Variants in AK8 observed in about 807,000 individuals in gnomAD.
AK8 encodes adenylate kinase 8, also known as ATP-AMP transphosphorylase 8.
A neutral mutation model predicts 54.6 loss-of-function variants in AK8; 44 were observed. That is an observed-to-expected ratio of 0.81 (90% CI 0.63 to 1.04). AK8 has a LOEUF of 1.04. AK8 is among the 50% of genes least tolerant of loss of function. The probability of loss-of-function intolerance (pLI) is 0.00; values close to 1 mark genes in which losing one functional copy is unlikely to be tolerated. For synonymous variants in AK8, 239 were observed against 245.6 expected (o/e 0.97, Z 0.25); for missense variants, 555 against 613.6 (o/e 0.90, Z 1.01).
chr9:132,855,992 G>C (rs894317458), intron 4 of AK8, among the ~76,000 whole-genome samples: 2 of 152,118 alleles, frequency 1.3e-5, no homozygotes, highest in Admixed American at 6.5e-5. Context: ...CCTTTTCATA[G>C]AGGAGGAAGC....
chr9:132,814,761 A>T (rs368549643), intron 9 of AK8, 34 bp from the exon 10 acceptor site: 1 of 1,585,440 alleles, frequency 6.3e-7, no homozygotes, highest in Non-Finnish European at 8.6e-7. Flanking sequence ...ACACCCATTA[A>T]ATTTTAAATA....
intron 5 of AK8, among the ~76,000 whole-genome samples, chr9:132,835,881 T>A (rs1842304122): frequency 6.6e-6 from 1 of 152,116 alleles, no homozygotes. Context: ...CCCAGCACTT[T>A]GGGAGGCCGA....
chr9:132,874,978 G>T, intron 2 of AK8, 137 bp downstream of exon 2: 1 of 1,106,052 alleles, frequency 9.0e-7, no homozygotes, highest in Non-Finnish European at 1.3e-6. Flanking sequence ...AGGACAGAAT[G>T]GTGCTCAGCT....
At chr9:132,823,748 G>A (rs962967831) in intron 8 of AK8, among the ~76,000 whole-genome samples, 6 of 152,216 alleles carry the variant, frequency 3.9e-5, no homozygotes, top group Non-Finnish European at 7.3e-5. Flanking sequence ...CGGAAGCCCC[G>A]GAACTAGGCT....
At chr9:132,843,893 A>G (rs1842636489) in intron 5 of AK8, among the ~76,000 whole-genome samples, 2 of 152,166 alleles carry the variant, frequency 1.3e-5, no homozygotes, top group Admixed American at 6.6e-5. Context: ...TTAAAAAGCC[A>G]TCCTTCCAGC....
chr9:132,839,329 C>A (rs937427344), intron 5 of AK8, among the ~76,000 whole-genome samples: 1 of 152,144 alleles, frequency 6.6e-6, no homozygotes, highest in Non-Finnish European at 1.5e-5. Context: ...TCCTTCTTTC[C>A]TGTCTTTAAT....
At chr9:132,775,157 C>G (rs773863905) in intron 11 of AK8, among the ~76,000 whole-genome samples, 29 of 152,146 alleles carry the variant, frequency 1.9e-4, no homozygotes, top group Non-Finnish European at 3.8e-4. Flanking sequence ...TCCCTGACCT[C>G]CAAGAGTCAG....
upstream of AK8, chr9:132,878,355 G>C: frequency 7.2e-6 from 9 of 1,258,352 alleles, no homozygotes; most frequent in Non-Finnish European, 9.0e-6. This position sits in a 1 kb window ranked among gnomAD's most constrained non-coding sequence, Gnocchi z 4.7. Flanking sequence ...TGCAGGCTCC[G>C]CGCCGGGCCC....
intron 10 of AK8, among the ~76,000 whole-genome samples, chr9:132,795,447 G>C (rs187983534): frequency 8.1e-4 from 123 of 152,326 alleles, no homozygotes; most frequent in African/African-American, 2.8e-3. Context: ...CTCTGATCCA[G>C]AGACCTTGTG....
Position 132,828,062 on chromosome 9 carries a change from C to T in AK8, c.507G>A (p.Thr169=), listed in dbSNP as rs772965072. The T allele has an allele frequency of 5.7e-6, 9 of 1,573,768 alleles. No individual in the cohort carries two copies. The highest frequency in any genetic ancestry group is 2.3e-5 in the South Asian group (2 of 85,666). The part of the protein sequence containing the change: ...RHVIVLSAPD[T]VLIERNLGKR... ...TCCCCAAGTTTCTCTCGATCAGGAC[C>T]GTGTCTGGAGCACTCAGCACAACTG... The change falls in exon 7 of 13, where the codon ACG becomes ACA. Residue 169 remains threonine, a synonymous_variant. Coordinates refer to ENST00000298545, the MANE Select transcript of AK8 (RefSeq NM_152572.3).
At chr9:132,864,571 C>T (rs1292237293) in intron 3 of AK8, among the ~76,000 whole-genome samples, 1 of 152,194 alleles carries the variant, frequency 6.6e-6, no homozygotes, top group East Asian at 1.9e-4. Context: ...GGTGAGAAAC[C>T]TCAATGACAG....
At chr9:132,850,897 T>TAAA (rs34133877) in intron 5 of AK8, among the ~76,000 whole-genome samples, 3 of 135,328 alleles carry the variant, frequency 2.2e-5, no homozygotes. Flanking sequence ...TAGGTGCATT[T>TAAA]AAAAAAAAAA....
At chr9:132,731,385 G>T (rs923016701) in intron 11 of AK8, among the ~76,000 whole-genome samples, 4 of 152,144 alleles carry the variant, frequency 2.6e-5, no homozygotes, top group African/African-American at 9.7e-5. Context: ...TTTTGGGCGT[G>T]TCTGTGCAGG....
chr9:132,820,734 G>A (rs1345778438), intron 9 of AK8, among the ~76,000 whole-genome samples: 2 of 152,140 alleles, frequency 1.3e-5, no homozygotes, highest in African/African-American at 2.4e-5. Flanking sequence ...GGGGCTGTCT[G>A]TTTTTTTGTT....
intron 2 of AK8, among the ~76,000 whole-genome samples, chr9:132,872,711 G>T (rs539022611): frequency 6.6e-6 from 1 of 151,900 alleles, no homozygotes; most frequent in Non-Finnish European, 1.5e-5. Flanking sequence ...TCAGCTCACT[G>T]CAACCTCCAC....
At chr9:132,759,235 CAGGT>C (rs1838341390) in intron 11 of AK8, among the ~76,000 whole-genome samples, 1 of 150,818 alleles carries the variant, frequency 6.6e-6, no homozygotes, top group African/African-American at 2.4e-5. Context: ...TACAATTCCA[CAGGT>C]TTTAGCACAC....
At chr9:132,806,692 G>A (rs1308647831) in intron 10 of AK8, among the ~76,000 whole-genome samples, 1 of 152,238 alleles carries the variant, frequency 6.6e-6, no homozygotes, top group African/African-American at 2.4e-5. Flanking sequence ...TGCATTTAGT[G>A]ATGAGAATAT....
intron 4 of AK8, among the ~76,000 whole-genome samples, chr9:132,858,054 C>T (rs1024347286): frequency 2.0e-5 from 3 of 152,188 alleles, no homozygotes; most frequent in Non-Finnish European, 2.9e-5. Context: ...GCAGTGAGGC[C>T]GCTCCTGGCC....
chr9:132,759,316 T>C (rs1838344576), intron 11 of AK8, among the ~76,000 whole-genome samples: 1 of 152,180 alleles, frequency 6.6e-6, no homozygotes. Flanking sequence ...CTTTATCTCA[T>C]TCATTTATAG....
Sources: allele counts gnomAD v4.1 joint callset (sites outside exome capture counted in the v4.1 genomes callset), GRCh38; gene constraint gnomAD v4.1.1; non-coding constraint Gnocchi (gnomAD v3.1); transcripts MANE v1.5; gene names NCBI Gene and HGNC (gene_info 2026-07-23, HGNC 2026-07-21).